SEPTIN6: variants seen among roughly 807,000 people sequenced by gnomAD.
SEPTIN6 encodes the protein septin 6.
A neutral mutation model predicts 33.6 loss-of-function variants in SEPTIN6; 8 were observed. The observed-to-expected ratio is 0.24, with a 90% CI of 0.14 to 0.43. The LOEUF (loss-of-function observed/expected upper bound fraction) is 0.43. Ranked by LOEUF, SEPTIN6 falls within the 20% of genes least tolerant of loss-of-function variation. SEPTIN6 has a pLI of 1.00. For synonymous variants in SEPTIN6, 131 were observed against 140.0 expected (o/e 0.94, Z 0.45); for missense variants, 250 against 340.8 (o/e 0.73, Z 2.10).
chrX:119,656,970 G>T (rs371294817), intron 3 of SEPTIN6, among the ~76,000 whole-genome samples: 2 of 109,834 alleles, frequency 1.8e-5, no homozygotes, highest in Non-Finnish European at 3.8e-5. Context: ...CATAATCTCA[G>T]CACTTTGGGA....
chrX:119,617,242 GTATT>G lies in SEPTIN6; in HGVS notation c.*2847_*2850del. ...ACCAGAAGTAAACAGAGTACTTAGG[GTATT>G]TTTTTTTTAAATAGTAACAGTTGTA... On this transcript the variant is annotated 3_prime_UTR_variant, in exon 11 of 11. Coordinates refer to ENST00000394610, the MANE Select transcript of SEPTIN6 (RefSeq NM_145799.4). The G allele has an allele frequency of 1.2e-6, 1 of 801,260 alleles. No homozygotes were observed. Among genetic ancestry groups the G allele is most frequent in the Middle Eastern group, 6.3e-4 (1 of 1,591 alleles). 66.0% of individuals were successfully genotyped at this position (801,260 alleles called of 1,213,427 possible). A position where few individuals can be genotyped will look rare whatever the true frequency, so the allele number is the denominator to read the frequency against.
rs1410759018 is a variant in SEPTIN6, at chrX:119,617,785, C to A, written c.*2308G>T. ...TCCCTTCTCTGGGCCTTCATTTCCC[C>A]TTACGGAGTAAGTAGGTTATATCGT... On this transcript the variant is annotated 3_prime_UTR_variant, in exon 11 of 11. Transcript: ENST00000394610. 1 of 786,046 alleles carries A rather than the reference C, an allele frequency of 1.3e-6. No homozygotes were observed. The highest frequency in any genetic ancestry group is 7.7e-5 in the Admixed American group (1 of 12,996). 64.8% of individuals were successfully genotyped at this position (786,046 alleles called of 1,213,427 possible). A position where few individuals can be genotyped will look rare whatever the true frequency, so the allele number is the denominator to read the frequency against.
chrX:119,629,176 G>A (rs2053913234), intron 9 of SEPTIN6, 142 bp downstream of exon 9: 1 of 552,484 alleles, frequency 1.8e-6, no homozygotes, highest in East Asian at 3.3e-5. Flanking sequence ...GCTGGGACCA[G>A]TTATAGGTAC....
rs1015849157 is a variant in SEPTIN6, at chrX:119,650,075, G to A, written c.552C>T (p.Ala184=). The change falls in exon 5 of 11, where the codon GCC becomes GCT. Residue 184 remains alanine, a synonymous_variant. Coordinates refer to ENST00000394610, the MANE Select transcript of SEPTIN6 (RefSeq NM_145799.4). ...CACTCTTCGAAATGGCATCTGCTTT[G>A]GCAATGATGGGGATGATGTTCACCT... The part of the protein sequence containing the change: ...DSKVNIIPII[A]KADAISKSEL... 3 of 1,211,113 alleles carry A rather than the reference G, an allele frequency of 2.5e-6. No individual in the cohort carries two copies. The highest frequency in any genetic ancestry group is 3.4e-6 in the Non-Finnish European group (3 of 895,284).
In SEPTIN6 at chrX:119,653,030, T is replaced by C; in HGVS notation, c.352A>G (p.Ile118Val). ...QINKEDSYKP[I>V]VEFIDAQFEA... ...AATTGTGCATCGATGAATTCCACGATAGGCTTGTAGCTAAAAGGGAGAGCA... is the reference window on the plus strand; with the variant it reads ...AATTGTGCATCGATGAATTCCACGACAGGCTTGTAGCTAAAAGGGAGAGCA... The change falls in exon 4 of 11, where the codon ATC becomes GTC. Residue 118 changes from isoleucine to valine, a missense_variant. Ile to Val is a conservative substitution (Grantham distance 29). This residue lies in a region of SEPTIN6 where 111 missense variants were observed against 113.8 expected (regional missense o/e 0.98). Transcript: ENST00000394610. The C allele has an allele frequency of 1.7e-6, 2 of 1,207,596 alleles. No homozygotes were observed. Among genetic ancestry groups the C allele is most frequent in the Non-Finnish European group, 2.2e-6 (2 of 892,413 alleles).
intron 1 of SEPTIN6, among the ~76,000 whole-genome samples, chrX:119,691,013 AAGGTCTCG>A (rs2055163323): frequency 1.8e-5 from 2 of 111,340 alleles, no homozygotes; most frequent in African/African-American, 6.5e-5. Context: ...TCACGATAAC[AAGGTCTCG>A]AGTGCTTAGG....
rs966794838 is a variant in SEPTIN6, at chrX:119,619,194, A to T, written c.*899T>A. The T allele has an allele frequency of 1.7e-5, 14 of 832,005 alleles. No individual in the cohort carries two copies. The highest frequency in any genetic ancestry group is 1.3e-5 in the Non-Finnish European group (9 of 689,574). The allele number at this position is 832,005 out of a possible 1,213,427, so 68.6% of individuals were successfully genotyped here. ...TCAGTTTTCCAGCCTACAAAGTGGG[A>T]TTTATTATTCCTGCTACTGGCCTCA... On this transcript the variant is annotated 3_prime_UTR_variant, in exon 11 of 11. Transcript: ENST00000394610.
At chrX:119,652,793 T>C (rs1485844954) in intron 4 of SEPTIN6, 61 bp downstream of exon 4, 2 of 991,916 alleles carry the variant, frequency 2.0e-6, no homozygotes, top group Non-Finnish European at 2.8e-6. Flanking sequence ...ATCCCACATC[T>C]ACTTTGCACA....
At chrX:119,620,164 G>A in intron 10 of SEPTIN6, 113 bp from the exon 11 acceptor site, 1 of 598,853 alleles carries the variant, frequency 1.7e-6, no homozygotes, top group South Asian at 2.8e-5. Context: ...TTAGAATATA[G>A]CTATGTTAGA....
chrX:119,658,083 C>T (rs948578745), intron 3 of SEPTIN6, among the ~76,000 whole-genome samples: 1 of 111,898 alleles, frequency 8.9e-6, no homozygotes, highest in African/African-American at 3.2e-5. Flanking sequence ...GCCGAGATAG[C>T]GCCACTGCAC....
chrX:119,650,138 C>A, intron 4 of SEPTIN6, 40 bp from the exon 5 acceptor site: 1 of 1,173,433 alleles, frequency 8.5e-7, no homozygotes, highest in Non-Finnish European at 1.2e-6. Flanking sequence ...TTGTTGGTAA[C>A]CTGCAACTGA....
Position 119,618,103 on chromosome X carries a change from C to T in SEPTIN6, c.*1990G>A. 1 of 802,124 alleles carries T rather than the reference C, an allele frequency of 1.2e-6. No homozygotes were observed. Among genetic ancestry groups the T allele is most frequent in the East Asian group, 7.1e-5 (1 of 14,047 alleles). The allele number at this position is 802,124 out of a possible 1,213,427, so 66.1% of individuals were successfully genotyped here. A position where few individuals can be genotyped will look rare whatever the true frequency, so the allele number is the denominator to read the frequency against. On this transcript the variant is annotated 3_prime_UTR_variant, in exon 11 of 11. Transcript: ENST00000394610. ...AAAGTTGCAAATATGAAGCCTTTCCCAAGGAGACCTGACAGGCCTAACTCA... is the reference window on the plus strand; with the variant it reads ...AAAGTTGCAAATATGAAGCCTTTCCTAAGGAGACCTGACAGGCCTAACTCA...
intron 3 of SEPTIN6, among the ~76,000 whole-genome samples, chrX:119,653,871 C>A (rs1443235803): frequency 9.0e-6 from 1 of 111,230 alleles, no homozygotes; most frequent in African/African-American, 3.3e-5. Flanking sequence ...GGATTCGAGA[C>A]CAGCCTGGGC....
At chrX:119,652,059 G>A (rs1383606693) in intron 4 of SEPTIN6, among the ~76,000 whole-genome samples, 1 of 111,845 alleles carries the variant, frequency 8.9e-6, no homozygotes, top group African/African-American at 3.2e-5. Flanking sequence ...CAATAGCTGG[G>A]ATTATAAATG....
chrX:119,616,220 T>C (rs2053663697), downstream of SEPTIN6: 1 of 278,606 alleles, frequency 3.6e-6, no homozygotes, highest in Non-Finnish European at 6.5e-6. Flanking sequence ...CTATAGAAGG[T>C]CTGCGAATGC....
chrX:119,661,041 CAAAAAAAAAAAAAA>C (rs58898121), intron 3 of SEPTIN6, among the ~76,000 whole-genome samples: 2 of 9,517 alleles, frequency 2.1e-4, no homozygotes, highest in Non-Finnish European at 3.6e-4. Flanking sequence ...GACTCCATCT[CAAAAAAAAAAAAAA>C]AAAAAAAAAA....
intron 2 of SEPTIN6, among the ~76,000 whole-genome samples, chrX:119,673,029 A>C (rs961676815): frequency 8.9e-6 from 1 of 112,058 alleles, no homozygotes; most frequent in Non-Finnish European, 1.9e-5. Flanking sequence ...GTTTGAGTAT[A>C]AATCTGTGGA....
intron 3 of SEPTIN6, among the ~76,000 whole-genome samples, chrX:119,658,040 T>G (rs1326209822): frequency 9.0e-6 from 1 of 111,296 alleles, no homozygotes; most frequent in East Asian, 2.9e-4. Context: ...GGCAGGAGAA[T>G]GGCGTGAACC....
intron 2 of SEPTIN6, among the ~76,000 whole-genome samples, chrX:119,664,118 G>A (rs2054594685): frequency 9.1e-6 from 1 of 110,264 alleles, no homozygotes; most frequent in Admixed American, 9.7e-5. Context: ...CGAGTAGCTG[G>A]GATTACAGGC....
Sources: gnomAD v4.1 joint callset for allele counts (sites outside exome capture counted in the v4.1 genomes callset) on GRCh38, gnomAD v4.1.1 for gene constraint, gnomAD v4.1.1 regional missense constraint, MANE v1.5 for transcripts, NCBI Gene and HGNC (gene_info 2026-07-23, HGNC 2026-07-21) for gene names.